SUN5: variants seen among roughly 807,000 people sequenced by gnomAD.
SUN5 encodes the protein Sad1 and UNC84 domain containing 5.
Under a neutral mutation model 53.7 loss-of-function variants are expected in SUN5, and 44 were observed. The observed-to-expected ratio is 0.82, with a 90% confidence interval of 0.64 to 1.05. SUN5 has a LOEUF of 1.05. Ranked by LOEUF, SUN5 falls within the 50% of genes least tolerant of loss-of-function variation. SUN5 has a pLI of 0.00. For synonymous variants in SUN5, 166 were observed against 179.8 expected, an observed-to-expected ratio of 0.92 and a Z score of 0.62; for missense variants, 433 against 483.8, an observed-to-expected ratio of 0.90 and a Z score of 0.98.
intron 2 of SUN5, 48 bp downstream of exon 2, chr20:33,002,813 A>G: frequency 1.9e-6 from 3 of 1,611,872 alleles, no homozygotes; most frequent in Non-Finnish European, 2.5e-6. Context: ...CCTGAGCCTC[A>G]GCCCCTCAGC....
At chr20:32,987,387 T>A (rs1234181077) in intron 10 of SUN5, among the ~76,000 whole-genome samples, 2 of 152,012 alleles carry the variant, frequency 1.3e-5, no homozygotes, top group African/African-American at 2.4e-5. Flanking sequence ...AAGCAAGCTG[T>A]CCCTCTGTTT....
chr20:32,986,391 T>C (rs1210348060), intron 10 of SUN5, among the ~76,000 whole-genome samples: 1 of 152,104 alleles, frequency 6.6e-6, no homozygotes, highest in African/African-American at 2.4e-5. Flanking sequence ...CACCACGATC[T>C]CCTGCCCCAC....
intron 8 of SUN5, among the ~76,000 whole-genome samples, chr20:32,990,966 G>A (rs6058995): frequency 0.34 from 52,357 of 152,036 alleles, 9,688 homozygotes; most frequent in East Asian, 0.79. Flanking sequence ...TTATGATTCT[G>A]TCTTGTTGAT....
chr20:32,988,721 T>C (rs1215959224), intron 9 of SUN5, among the ~76,000 whole-genome samples: 1 of 151,436 alleles, frequency 6.6e-6, no homozygotes, highest in African/African-American at 2.4e-5. Context: ...CCCGAGTAGC[T>C]GGGATTATAG....
intron 3 of SUN5, among the ~76,000 whole-genome samples, chr20:33,001,636 T>TTC: frequency 7.9e-6 from 1 of 126,618 alleles, no homozygotes; most frequent in Non-Finnish European, 1.6e-5. Context: ...TTTCTTTCTT[T>TTC]CTTTTCCTCC....
At chr20:32,989,292 G>A (rs1328085694) in intron 9 of SUN5, among the ~76,000 whole-genome samples, 1 of 152,204 alleles carries the variant, frequency 6.6e-6, no homozygotes, top group South Asian at 2.1e-4. Flanking sequence ...CCAGCATCGG[G>A]TTTGGAGAAG....
chr20:32,995,857 C>A, intron 7 of SUN5, 130 bp from the exon 8 acceptor site: 3 of 758,162 alleles, frequency 4.0e-6, no homozygotes, highest in Non-Finnish European at 6.9e-6. Flanking sequence ...GGGCCCATCC[C>A]TGGACCCATT....
chr20:33,000,103 T>C lies in SUN5; in HGVS notation c.311A>G (p.Lys104Arg), dbSNP rs747126870. Residue 104 changes from lysine to arginine, a missense_variant, in exon 5 of 13, where the codon AAG (lysine) becomes AGG (arginine). Physicochemically the swap from Lys to Arg is conservative, Grantham distance 26. Transcript: ENST00000356173. ...AGCACAGAGGAGCAGAATGCCTGTC[T>C]TCTCCATGAGCTTCTGGCACAGCAG... ...CKLLCQKLME[K>R]TGILLLCAFG... The C allele has an allele frequency of 1.2e-6, 2 of 1,608,690 alleles. No individual in the cohort carries two copies. Among genetic ancestry groups the C allele is most frequent in the Non-Finnish European group, 8.5e-7 (1 of 1,178,404 alleles).
chr20:32,992,797 T>C (rs1319504701), intron 8 of SUN5, among the ~76,000 whole-genome samples: 2 of 152,100 alleles, frequency 1.3e-5, no homozygotes, highest in African/African-American at 4.8e-5. Flanking sequence ...GGCCGCTGGA[T>C]ACAAGAAAAG....
chr20:33,002,991 A>T (rs1226025900), intron 1 of SUN5, 72 bp from the exon 2 acceptor site: 10 of 1,549,250 alleles, frequency 6.5e-6, no homozygotes, highest in Non-Finnish European at 8.8e-6. Context: ...TGTGCATACC[A>T]CGTTCCAGAT....
chr20:32,993,071 G>A (rs569338201), intron 8 of SUN5, among the ~76,000 whole-genome samples: 1 of 147,264 alleles, frequency 6.8e-6, no homozygotes, highest in South Asian at 2.3e-4. Context: ...AAGTATATAT[G>A]TTCACCCAAT....
chr20:32,984,698 C>A (rs892479774), intron 12 of SUN5, among the ~76,000 whole-genome samples: 4 of 152,242 alleles, frequency 2.6e-5, no homozygotes, highest in Non-Finnish European at 5.9e-5. Flanking sequence ...TGTCTCCAAA[C>A]CCCTCTCCTT....
chr20:32,997,834 C>T (rs1989892719), intron 5 of SUN5, 147 bp from the exon 6 acceptor site: 2 of 702,174 alleles, frequency 2.8e-6, no homozygotes, highest in Admixed American at 2.8e-5. Flanking sequence ...TGCTCTATGC[C>T]TCTGTTCCCT....
At chr20:32,993,683 G>C (rs1989764290) in intron 8 of SUN5, among the ~76,000 whole-genome samples, 1 of 152,204 alleles carries the variant, frequency 6.6e-6, no homozygotes, top group African/African-American at 2.4e-5. Flanking sequence ...ACAAGCAAGA[G>C]ATCAAGGCCT....
intron 4 of SUN5, among the ~76,000 whole-genome samples, chr20:33,000,889 G>A (rs1228896552): frequency 6.6e-6 from 1 of 151,908 alleles, no homozygotes; most frequent in East Asian, 1.9e-4. Context: ...AATGTGTGGA[G>A]GTGGGAATAG....
intron 8 of SUN5, among the ~76,000 whole-genome samples, chr20:32,990,833 T>C (rs1457375280): frequency 6.6e-6 from 1 of 152,216 alleles, no homozygotes. Flanking sequence ...CTGTGTCCTG[T>C]CTGAATTCCT....
In SUN5 at chr20:33,002,664, G is replaced by A. The variant is rs1444570376; in HGVS notation, c.137-3C>T. On this transcript the variant is annotated splice_polypyrimidine_tract_variant and splice_region_variant and intron_variant, in intron 2 of 12. Transcript: ENST00000356173. ...GACAGGCAACAGGATGTTGTCATCT[G>A]CAGAGAGCACAGGACTGTCATGTCA... is the stretch of plus-strand genomic sequence containing the variant. 1 of 1,614,224 alleles carries A rather than the reference G, an allele frequency of 6.2e-7. No homozygotes were observed. Among genetic ancestry groups the A allele is most frequent in the Admixed American group, 1.7e-5 (1 of 60,030 alleles).
At chr20:32,988,134 G>A (rs958448917) in intron 9 of SUN5, among the ~76,000 whole-genome samples, 2 of 152,076 alleles carry the variant, frequency 1.3e-5, no homozygotes, top group East Asian at 1.9e-4. Flanking sequence ...CTGCTGTGGC[G>A]CTGAGATGAA....
rs1989503626 is a variant in SUN5 at position 32,985,182 on chromosome 20, T to C, written c.901A>G (p.Met301Val). The change falls in exon 12 of 13, where the codon ATG (methionine) becomes GTG (valine). Residue 301 changes from methionine (M) to valine (V), a missense_variant. Physicochemically the swap from Met to Val is conservative, Grantham distance 21. Coordinates refer to ENST00000356173, the MANE Select transcript of SUN5 (RefSeq NM_080675.4). ...ACCTCCTCCTTGGGGGAGCCCTCCA[T>C]GCCCTGTGGAACCAGAACCAAGGTG... is the stretch of plus-strand genomic sequence containing the variant. Reference protein sequence around the residue: ...TAPKDFVIYGMEGSPKEEVFL... With the variant: ...TAPKDFVIYGVEGSPKEEVFL... The C allele has an allele frequency of 6.2e-7, 1 of 1,613,858 alleles. No individual in the cohort carries two copies. The highest frequency in any genetic ancestry group is 8.5e-7 in the Non-Finnish European group (1 of 1,179,888).
Sources: gnomAD v4.1 joint callset for allele counts (sites outside exome capture counted in the v4.1 genomes callset) on GRCh38, gnomAD v4.1.1 for gene constraint, MANE v1.5 for transcripts, NCBI Gene and HGNC (gene_info 2026-07-23, HGNC 2026-07-21) for gene names.